BBS9: variants seen among roughly 807,000 people sequenced by gnomAD.
The protein encoded by BBS9 is Bardet-Biedl syndrome 9, also known as protein PTHB1.
Under a neutral mutation model 117.7 loss-of-function variants are expected in BBS9, and 89 were observed. The ratio of observed to expected loss-of-function variants is 0.76; its 90% CI spans 0.64 to 0.90. The LOEUF (loss-of-function observed/expected upper bound fraction) is 0.90, where lower values mean the gene tolerates loss of function less well. Among genes scored for constraint, BBS9 ranks in the 40% least tolerant of loss-of-function variants. The probability of loss-of-function intolerance (pLI) is 0.00; values close to 1 mark genes in which losing one functional copy is unlikely to be tolerated. For synonymous variants in BBS9, 379 were observed against 370.9 expected, an observed-to-expected ratio of 1.02 and a Z score of -0.25; for missense variants, 982 against 1,042.2, an observed-to-expected ratio of 0.94 and a Z score of 0.80.
intron 21 of BBS9, among the ~76,000 whole-genome samples, chr7:33,543,072 C>T (rs780898553): frequency 1.3e-5 from 2 of 152,094 alleles, no homozygotes; most frequent in African/African-American, 4.8e-5. Flanking sequence ...TTTACATTCC[C>T]ACCAGCAGTG....
intron 9 of BBS9, among the ~76,000 whole-genome samples, chr7:33,299,310 C>T (rs1183318264): frequency 6.6e-6 from 1 of 152,024 alleles, no homozygotes; most frequent in Non-Finnish European, 1.5e-5. Context: ...TTTCTGATCA[C>T]AATTATATAT....
chr7:33,134,811 T>C (rs1790212078), intron 1 of BBS9, among the ~76,000 whole-genome samples: 1 of 152,096 alleles, frequency 6.6e-6, no homozygotes, highest in African/African-American at 2.4e-5. Flanking sequence ...GCCCAGGCTC[T>C]TCTCAATCTC....
rs148802329 is a variant in BBS9, at chr7:33,235,887, T to C, written c.443-21349T>C. On this transcript the variant is annotated intron_variant, in intron 5 of 22. Transcript: ENST00000242067. ...ATTATGTAAACAATCTTTTTACTTT[T>C]CACTTTGTCTGACAAGAAACTGGCT... 2.6e-4 allele frequency among the ~76,000 whole-genome samples: 39 copies of C among 152,348 alleles called. 1 individual carries two copies. Among genetic ancestry groups the C allele is most frequent in the African/African-American group, 8.7e-4 (36 of 41,594 alleles).
intron 21 of BBS9, among the ~76,000 whole-genome samples, chr7:33,546,072 T>C (rs1392689331): frequency 6.6e-6 from 1 of 151,608 alleles, no homozygotes; most frequent in African/African-American, 2.4e-5. Flanking sequence ...GAGCTGGGAC[T>C]ACAGGCGCCT....
downstream of BBS9, among the ~76,000 whole-genome samples, chr7:33,610,879 G>A (rs775001664): frequency 2.8e-4 from 43 of 152,006 alleles, no homozygotes; most frequent in African/African-American, 8.7e-4. Context: ...TTCTCTGTTC[G>A]CTGTCTTGGT....
At chr7:33,314,469 A>G in intron 9 of BBS9, 1 of 232,944 alleles carries the variant, frequency 4.3e-6, no homozygotes, top group Non-Finnish European at 8.6e-6. Flanking sequence ...TAGAAGGAAT[A>G]GGGAAGGAAT....
At chr7:33,287,764 G>A (rs1803177089) in intron 9 of BBS9, among the ~76,000 whole-genome samples, 1 of 152,166 alleles carries the variant, frequency 6.6e-6, no homozygotes, top group Non-Finnish European at 1.5e-5. Flanking sequence ...CCCATATAAT[G>A]TTTTGTGTGT....
chr7:33,224,529 A>C (rs574096033), intron 5 of BBS9, among the ~76,000 whole-genome samples: 1 of 152,126 alleles, frequency 6.6e-6, no homozygotes, highest in South Asian at 2.1e-4. Flanking sequence ...GTAACACCAA[A>C]TTTTTCTGGC....
intron 5 of BBS9, among the ~76,000 whole-genome samples, chr7:33,196,849 A>G (rs1216378052): frequency 6.6e-6 from 1 of 152,170 alleles, no homozygotes. Context: ...CCTATAAAAT[A>G]ATGTTACTTT....
intron 9 of BBS9, among the ~76,000 whole-genome samples, chr7:33,332,678 AAACAAC>A (rs147419035): frequency 0.15 from 22,961 of 149,854 alleles, 2,177 homozygotes; most frequent in South Asian, 0.21. Context: ...CTCCATGTCA[AAACAAC>A]AACAACAACA....
chr7:33,267,751 T>G (rs1463158542), intron 7 of BBS9, among the ~76,000 whole-genome samples: 1 of 152,186 alleles, frequency 6.6e-6, no homozygotes, highest in African/African-American at 2.4e-5. Flanking sequence ...TTTAATGAGA[T>G]TTAAATGACA....
chr7:33,392,614 T>G (rs76017325), intron 19 of BBS9, among the ~76,000 whole-genome samples: 4,359 of 152,322 alleles, frequency 0.029, 205 homozygotes, highest in African/African-American at 0.094. Context: ...ATTGTGTACT[T>G]TTTTATAATC....
chr7:33,163,923 A>T (rs1795257553), intron 4 of BBS9, among the ~76,000 whole-genome samples: 1 of 151,990 alleles, frequency 6.6e-6, no homozygotes, highest in Non-Finnish European at 1.5e-5. Context: ...TTGTGATGTT[A>T]GGGTGTCTAT....
At position 33,273,900 on chromosome 7, in the gene BBS9, G is replaced by C; in HGVS notation, c.960G>C (p.Leu320=). Residue 320 remains leucine (L), a synonymous_variant, in exon 9 of 23, where the codon CTG becomes CTC. Transcript: ENST00000242067. ...NMLHIYQDVT[L]KWATQLPHIP... is the part of the protein sequence containing the mutation. ...TGCATATTTATCAAGATGTGACACT[G>C]AAGTGGGCCACCCAACTTCCCCACA... 6.2e-7 allele frequency: 1 copy of C among 1,613,216 alleles called. No individual in the cohort carries two copies. Among genetic ancestry groups the C allele is most frequent in the East Asian group, 2.2e-5 (1 of 44,780 alleles).
Position 33,257,322 on chromosome 7 carries a change from G to T in BBS9, c.529G>T (p.Gly177Cys), listed in dbSNP as rs750278720. The T allele has an allele frequency of 1.9e-5, 31 of 1,613,830 alleles. No homozygotes were observed. Among genetic ancestry groups the T allele is most frequent in the Non-Finnish European group, 2.5e-5 (29 of 1,179,818 alleles). ...ESYAFGRFLPGFLLPGPLAYS... is the reference protein window; with the variant it reads ...ESYAFGRFLPCFLLPGPLAYS... ...CTATGCTTTTGGAAGATTTCTCCCT[G>T]GCTTTCTTCTGCCTGGTCCTCTTGC... The change falls in exon 6 of 23, where the codon GGC (glycine) becomes TGC (cysteine). Residue 177 changes from glycine (G) to cysteine (C), a missense_variant. Gly to Cys is a radical substitution (Grantham distance 159). Coordinates refer to ENST00000242067, the MANE Select transcript of BBS9 (RefSeq NM_198428.3).
chr7:33,193,390 C>T (rs1010840549), intron 5 of BBS9, among the ~76,000 whole-genome samples: 4 of 145,006 alleles, frequency 2.8e-5, no homozygotes, highest in African/African-American at 5.0e-5. Flanking sequence ...ATCTGTCTTT[C>T]GCATATTGTC....
chr7:33,475,963 T>C (rs901801426), intron 19 of BBS9, among the ~76,000 whole-genome samples: 2 of 152,074 alleles, frequency 1.3e-5, no homozygotes, highest in African/African-American at 2.4e-5. Flanking sequence ...TTGAAGAAAG[T>C]TTAGAGTCTG....
chr7:33,325,958 T>C (rs1195351564), intron 9 of BBS9, among the ~76,000 whole-genome samples: 1 of 152,042 alleles, frequency 6.6e-6, no homozygotes, highest in Non-Finnish European at 1.5e-5. Flanking sequence ...ATGTACTGGG[T>C]CTCATCCAAG....
chr7:33,610,348 A>G (rs998120831), downstream of BBS9, among the ~76,000 whole-genome samples: 3 of 152,100 alleles, frequency 2.0e-5, no homozygotes, highest in Non-Finnish European at 4.4e-5. Context: ...TAAAGAATAG[A>G]AATTAATTTC....
Sources: allele counts gnomAD v4.1 joint callset (sites outside exome capture counted in the v4.1 genomes callset), GRCh38; gene constraint gnomAD v4.1.1; transcripts MANE v1.5; gene names NCBI Gene and HGNC (gene_info 2026-07-23, HGNC 2026-07-21).